The following RAB27A variants were observed in gnomAD, a reference collection of about 807,000 sequenced individuals.
RAB27A encodes ras-related protein Rab-27A.
In RAB27A, 17 loss-of-function variants were observed where a neutral mutation model predicts 20.8. The ratio of observed to expected loss-of-function variants is 0.82; its 90% confidence interval spans 0.56 to 1.23. The LOEUF (loss-of-function observed/expected upper bound fraction) is 1.23, where lower values mean the gene tolerates loss of function less well. RAB27A is among the 50% of genes most tolerant of loss of function. RAB27A has a pLI of 0.00. For synonymous variants in RAB27A, 85 were observed against 92.8 expected (o/e 0.92, Z 0.48); for missense variants, 277 against 266.7 (o/e 1.04, Z -0.27).
intron 1 of RAB27A, among the ~76,000 whole-genome samples, chr15:55,278,253 C>A (rs1358645569): frequency 6.6e-6 from 1 of 152,134 alleles, no homozygotes; most frequent in Non-Finnish European, 1.5e-5. Flanking sequence ...TCTGATTTCT[C>A]TACTGGACAA....
chr15:55,209,856 GTA>G lies in RAB27A; in HGVS notation c.468-4153_468-4152del, dbSNP rs562848835. On this transcript the variant is annotated intron_variant, in intron 6 of 6. Coordinates refer to ENST00000336787, the MANE Select transcript of RAB27A (RefSeq NM_183235.3). ...TATATGTGTGTACACATATATGTGT[GTA>G]TATACATATATACATATATGTGTGT... is the stretch of plus-strand genomic sequence containing the variant. 6.0e-3 allele frequency among the ~76,000 whole-genome samples: 342 copies of G among 57,456 alleles called. 89 individuals are homozygous for G. Among genetic ancestry groups the G allele is most frequent in the African/African-American group, 0.032 (317 of 9,830 alleles). The allele number at this position is 57,456 out of a possible 152,430, so 37.7% of individuals were successfully genotyped here. A position where few individuals can be genotyped will look rare whatever the true frequency, so the allele number is the denominator to read the frequency against.
intron 2 of RAB27A, among the ~76,000 whole-genome samples, chr15:55,265,356 A>C (rs1321125716): frequency 6.6e-6 from 1 of 152,154 alleles, no homozygotes; most frequent in Non-Finnish European, 1.5e-5. Context: ...ACAATGTCTA[A>C]GGAGGGAATC....
chr15:55,272,843 A>G (rs1379345835), intron 1 of RAB27A, among the ~76,000 whole-genome samples: 3 of 152,194 alleles, frequency 2.0e-5, no homozygotes, highest in Admixed American at 2.0e-4. Flanking sequence ...TTTATCTGCC[A>G]GTAGGGAAAT....
At chr15:55,216,486 G>T (rs979016335) in intron 6 of RAB27A, among the ~76,000 whole-genome samples, 1 of 151,754 alleles carries the variant, frequency 6.6e-6, no homozygotes. Flanking sequence ...GAGCCGAGGC[G>T]GTGCTACTGC....
At chr15:55,238,347 G>A (rs1474417735) in intron 2 of RAB27A, 1 of 152,008 alleles carries the variant, frequency 6.6e-6, no homozygotes, top group Admixed American at 6.6e-5. Flanking sequence ...TGCACATTGG[G>A]CTTTAAAGTG....
intron 3 of RAB27A, among the ~76,000 whole-genome samples, chr15:55,233,305 C>T (rs1389050872): frequency 1.3e-5 from 2 of 151,610 alleles, no homozygotes; most frequent in East Asian, 3.9e-4. Context: ...TGCTATTAAT[C>T]AAAATTAGAT....
intron 1 of RAB27A, chr15:55,317,687 G>A: frequency 2.5e-6 from 1 of 398,530 alleles, no homozygotes; most frequent in Non-Finnish European, 4.4e-6. Flanking sequence ...AATTCCTTCT[G>A]ATCTTTGGCA....
chr15:55,270,634 G>A (rs1444862746), intron 1 of RAB27A: 6 of 152,160 alleles, frequency 3.9e-5, no homozygotes, highest in African/African-American at 1.4e-4. Flanking sequence ...AAAGTGCCTT[G>A]TATTCTCAAG....
chr15:55,211,568 G>A (rs1034696252), intron 6 of RAB27A, among the ~76,000 whole-genome samples: 1 of 152,106 alleles, frequency 6.6e-6, no homozygotes, highest in African/African-American at 2.4e-5. Context: ...CCCTGTTGGT[G>A]TATATAAATG....
intron 2 of RAB27A, among the ~76,000 whole-genome samples, chr15:55,310,000 T>C (rs553495433): frequency 6.6e-6 from 1 of 152,058 alleles, no homozygotes; most frequent in Non-Finnish European, 1.5e-5. Flanking sequence ...CTCGTCCATA[T>C]TGTCCTTCTG....
At chr15:55,205,941 C>T (rs912201882) in intron 6 of RAB27A, among the ~76,000 whole-genome samples, 6 of 151,942 alleles carry the variant, frequency 3.9e-5, no homozygotes, top group East Asian at 1.9e-4. Context: ...TTTGGCTGGG[C>T]GCAGTGGCTC....
At chr15:55,307,398 G>C (rs901145836) in intron 2 of RAB27A, among the ~76,000 whole-genome samples, 2 of 151,970 alleles carry the variant, frequency 1.3e-5, no homozygotes, top group African/African-American at 4.8e-5. Flanking sequence ...GACCATGCGA[G>C]GTGGGTTTCC....
At chr15:55,239,412 A>G (rs192054005) in intron 2 of RAB27A, among the ~76,000 whole-genome samples, 196 of 152,306 alleles carry the variant, frequency 1.3e-3, no homozygotes, top group Admixed American at 3.1e-3. Flanking sequence ...CAAACTTAAA[A>G]TTTTATTTTT....
chr15:55,238,040 G>T (rs1896331478), intron 2 of RAB27A: 1 of 152,100 alleles, frequency 6.6e-6, no homozygotes, highest in African/African-American at 2.4e-5. Flanking sequence ...TACTGACCAA[G>T]TAATCATAAA....
intron 1 of RAB27A, among the ~76,000 whole-genome samples, chr15:55,273,355 G>A (rs538984779): frequency 4.0e-5 from 6 of 150,664 alleles, no homozygotes; most frequent in Non-Finnish European, 7.4e-5. Flanking sequence ...GTTGCAGTGA[G>A]CCAAGATCGC....
intron 2 of RAB27A, among the ~76,000 whole-genome samples, chr15:55,305,569 T>C (rs2054993255): frequency 6.6e-6 from 1 of 152,224 alleles, no homozygotes; most frequent in Non-Finnish European, 1.5e-5. Context: ...ATCCATTGGC[T>C]GAGGAGGCCC....
chr15:55,292,475 G>A (rs1461534019), upstream of RAB27A, among the ~76,000 whole-genome samples: 3 of 152,182 alleles, frequency 2.0e-5, no homozygotes, highest in Admixed American at 6.5e-5. Context: ...ATCTGATTAC[G>A]GCAGTGGCCA....
intron 2 of RAB27A, among the ~76,000 whole-genome samples, chr15:55,239,499 A>G (rs1454777126): frequency 6.6e-6 from 1 of 152,206 alleles, no homozygotes; most frequent in Non-Finnish European, 1.5e-5. Flanking sequence ...ACACTCGAAC[A>G]GCATGTATGT....
At chr15:55,302,714 C>G (rs1167116670) in intron 2 of RAB27A, among the ~76,000 whole-genome samples, 1 of 119,276 alleles carries the variant, frequency 8.4e-6, no homozygotes, top group Admixed American at 7.8e-5. Flanking sequence ...TGGGGAGCGC[C>G]TCTGCCCCGC....
Sources: allele counts gnomAD v4.1 joint callset (sites outside exome capture counted in the v4.1 genomes callset), GRCh38; gene constraint gnomAD v4.1.1; transcripts MANE v1.5; gene names NCBI Gene and HGNC (gene_info 2026-07-23, HGNC 2026-07-21).